MINDY4: variants seen among roughly 807,000 people sequenced by gnomAD.
MINDY4 encodes the protein MINDY lysine 48 deubiquitinase 4, also known as probable ubiquitin carboxyl-terminal hydrolase MINDY-4.
In MINDY4, 68 loss-of-function variants were observed where a neutral mutation model predicts 87.0. That is an observed-to-expected ratio of 0.78 (90% CI 0.64 to 0.96). The LOEUF is 0.96. Among genes scored for constraint, MINDY4 ranks in the 40% least tolerant of loss-of-function variants. The pLI is 0.00. For missense variants in MINDY4, 919 were observed against 928.2 expected (o/e 0.99, Z 0.13); for synonymous variants, 379 against 363.2 (o/e 1.04, Z -0.50).
chr7:30,811,251 T>G (rs927353057), intron 5 of MINDY4, among the ~76,000 whole-genome samples: 36 of 152,146 alleles, frequency 2.4e-4, no homozygotes, highest in African/African-American at 8.2e-4. Context: ...CAGACACCCT[T>G]CCTGTGGAAA....
chr7:30,818,735 T>C (rs1788236984), intron 5 of MINDY4, among the ~76,000 whole-genome samples: 1 of 152,092 alleles, frequency 6.6e-6, no homozygotes, highest in Non-Finnish European at 1.5e-5. Context: ...GAAATGGGGG[T>C]GAATTTTAAA....
At chr7:30,816,563 A>G (rs1055024920) in intron 5 of MINDY4, among the ~76,000 whole-genome samples, 3 of 152,118 alleles carry the variant, frequency 2.0e-5, no homozygotes, top group African/African-American at 7.2e-5. Flanking sequence ...CCTGGGCCCG[A>G]TGGCTTTTCC....
At chr7:30,808,353 T>C (rs1787877130) in intron 5 of MINDY4, among the ~76,000 whole-genome samples, 1 of 152,176 alleles carries the variant, frequency 6.6e-6, no homozygotes. Context: ...TTGACTTGAC[T>C]TGGATTGCTT....
rs112281058 is a variant in MINDY4, at chr7:30,826,669, C to T, written c.1074-2010C>T. 6.1e-3 allele frequency among the ~76,000 whole-genome samples: 926 copies of T among 152,194 alleles called. 6 individuals are homozygous for T. The highest frequency in any genetic ancestry group is 0.021 in the African/African-American group (880 of 41,504). On this transcript the variant is annotated intron_variant, in intron 5 of 17. Coordinates refer to ENST00000265299, the MANE Select transcript of MINDY4 (RefSeq NM_032222.3). ...AGGAAGCAGTAAATGTAGTTATTGC[C>T]CTTGTCTTTGGAGTTATCGCCTGGG...
intron 9 of MINDY4, among the ~76,000 whole-genome samples, chr7:30,842,179 G>A (rs62449079): frequency 0.053 from 8,096 of 152,282 alleles, 353 homozygotes; most frequent in Middle Eastern, 0.075. Flanking sequence ...CTAATCAGAA[G>A]CACAGCAATG....
chr7:30,774,430 A>G (rs182731948), intron 1 of MINDY4, among the ~76,000 whole-genome samples: 16 of 152,136 alleles, frequency 1.1e-4, no homozygotes, highest in Non-Finnish European at 1.3e-4. Context: ...CTCCTCTACT[A>G]GGTTACTCCT....
In MINDY4 at chr7:30,852,278, C is replaced by A. The variant is rs374490373; in HGVS notation, c.1610C>A (p.Thr537Lys). The A allele has an allele frequency of 2.0e-4, 329 of 1,614,002 alleles. No homozygotes were observed. The highest frequency in any genetic ancestry group is 6.6e-4 in the Middle Eastern group (4 of 6,082). ...TACAAAGCAGATGGAGTCTTAGAAA[C>A]AGTACGACTTTCTGGAAAATTATCA... ...GKYKADGVLETLTLHSLTCYE... is the reference protein window; with the variant it reads ...GKYKADGVLEKLTLHSLTCYE... The change falls in exon 11 of 18, where the codon ACA becomes AAA. Residue 537 changes from threonine to lysine, a missense_variant and splice_region_variant. By Grantham distance (78) the Thr-to-Lys change is moderately conservative (BLOSUM62 -1). Coordinates refer to ENST00000265299, the MANE Select transcript of MINDY4 (RefSeq NM_032222.3).
intron 4 of MINDY4, among the ~76,000 whole-genome samples, chr7:30,789,453 A>G (rs900327000): frequency 5.3e-5 from 8 of 152,236 alleles, no homozygotes; most frequent in African/African-American, 1.9e-4. Flanking sequence ...TTGGTTGCTC[A>G]GGAGAAAAGC....
rs145268990 is a variant in MINDY4 at position 30,872,829 on chromosome 7, G to A, written c.1809+523G>A. Among the ~76,000 whole-genome samples, 329 of 152,350 alleles carry A rather than the reference G, an allele frequency of 2.2e-3. 3 individuals are homozygous for A. The highest frequency in any genetic ancestry group is 7.6e-3 in the African/African-American group (316 of 41,578). On this transcript the variant is annotated intron_variant, in intron 14 of 17. Transcript: ENST00000265299. ...CATCAGTCCTCTCAGTCACCCAGGT[G>A]ACACCAGGGAAGGGACCTTTTCAAG...
At chr7:30,772,290 C>A (rs1051873424) in intron 1 of MINDY4, among the ~76,000 whole-genome samples, 1 of 152,130 alleles carries the variant, frequency 6.6e-6, no homozygotes, top group African/African-American at 2.4e-5. Context: ...CAGTGTCATA[C>A]TGGGCTAGGG....
intron 1 of MINDY4, among the ~76,000 whole-genome samples, chr7:30,774,598 A>C (rs1449469252): frequency 6.7e-6 from 1 of 149,044 alleles, no homozygotes; most frequent in Non-Finnish European, 1.5e-5. Flanking sequence ...TTTTAATCAG[A>C]CTTTTGTCCC....
intron 1 of MINDY4, among the ~76,000 whole-genome samples, chr7:30,776,748 C>G (rs1226915165): frequency 6.6e-6 from 1 of 152,200 alleles, no homozygotes; most frequent in East Asian, 1.9e-4. Flanking sequence ...TTGTCTCCCT[C>G]GTAGTGCATA....
intron 5 of MINDY4, among the ~76,000 whole-genome samples, chr7:30,804,500 A>G (rs1394286856): frequency 6.6e-6 from 1 of 152,220 alleles, no homozygotes; most frequent in Non-Finnish European, 1.5e-5. Context: ...TCCTGCTCCC[A>G]AGAGGCTGAG....
chr7:30,852,284 G>C lies in MINDY4; in HGVS notation c.1611+5G>C. Reference sequence around the variant, plus strand: ...GCAGATGGAGTCTTAGAAACAGTACGACTTTCTGGAAAATTATCACGCAAA... The same window carrying C: ...GCAGATGGAGTCTTAGAAACAGTACCACTTTCTGGAAAATTATCACGCAAA... On this transcript the variant is annotated splice_donor_5th_base_variant and intron_variant, in intron 11 of 17. Coordinates refer to ENST00000265299, the MANE Select transcript of MINDY4 (RefSeq NM_032222.3). 1 of 1,614,024 alleles carries C rather than the reference G, an allele frequency of 6.2e-7. No individual in the cohort carries two copies. Among genetic ancestry groups the C allele is most frequent in the Admixed American group, 1.7e-5 (1 of 60,002 alleles).
At chr7:30,881,714 G>A (rs1297845070) in intron 15 of MINDY4, among the ~76,000 whole-genome samples, 1 of 152,206 alleles carries the variant, frequency 6.6e-6, no homozygotes, top group Admixed American at 6.5e-5. Flanking sequence ...CTCCAACAAG[G>A]GATTTGGGAG....
chr7:30,885,713 C>G (rs568243595), intron 17 of MINDY4, among the ~76,000 whole-genome samples: 2 of 150,956 alleles, frequency 1.3e-5, no homozygotes, highest in Admixed American at 6.6e-5. Flanking sequence ...CCCACCCCCC[C>G]CCCAACCCTG....
intron 1 of MINDY4, among the ~76,000 whole-genome samples, chr7:30,775,545 G>A (rs1442587846): frequency 1.3e-5 from 2 of 152,172 alleles, no homozygotes; most frequent in Non-Finnish European, 2.9e-5. Context: ...TGCTATATAG[G>A]AATGTTTGAT....
intron 2 of MINDY4, among the ~76,000 whole-genome samples, chr7:30,779,176 T>C (rs1786923105): frequency 6.6e-6 from 1 of 152,232 alleles, no homozygotes; most frequent in Non-Finnish European, 1.5e-5. Context: ...TTTATCACAT[T>C]GGCAATAGAA....
chr7:30,808,368 C>T (rs1243974877), intron 5 of MINDY4, among the ~76,000 whole-genome samples: 2 of 152,108 alleles, frequency 1.3e-5, no homozygotes, highest in Non-Finnish European at 2.9e-5. Context: ...TTGCTTGATA[C>T]TTTGGTTTTG....
Sources: gnomAD v4.1 joint callset for allele counts (sites outside exome capture counted in the v4.1 genomes callset) on GRCh38, gnomAD v4.1.1 for gene constraint, MANE v1.5 for transcripts, NCBI Gene and HGNC (gene_info 2026-07-23, HGNC 2026-07-21) for gene names.